The following KCP variants were observed in gnomAD, a reference collection of about 807,000 sequenced individuals.
KCP encodes kielin cysteine rich BMP regulator.
In KCP, 194 loss-of-function variants were observed where a neutral mutation model predicts 212.7. That is an observed-to-expected ratio of 0.91 (90% CI 0.81 to 1.03). The LOEUF (loss-of-function observed/expected upper bound fraction) is 1.03. Among genes scored for constraint, KCP ranks in the 50% least tolerant of loss-of-function variants. The pLI, the probability that KCP is intolerant of heterozygous loss-of-function variation, is 0.00. For missense variants in KCP, 2,080 were observed against 2,162.5 expected, an observed-to-expected ratio of 0.96 and a Z score of 0.76; for synonymous variants, 833 against 865.3, an observed-to-expected ratio of 0.96 and a Z score of 0.65.
chr7:128,882,245 T>A (rs1438386627), intron 29 of KCP, among the ~76,000 whole-genome samples: 2 of 152,038 alleles, frequency 1.3e-5, no homozygotes, highest in Non-Finnish European at 2.9e-5. Context: ...CGGGTGGGGG[T>A]GCAAGGTGAC....
Position 128,877,483 on chromosome 7 carries a change from C to A in KCP, c.4618+1G>T. Reference sequence around the variant, plus strand: ...ACCTGCAGCGGGCATCACCCCCTCACCACACAGCGTGGGGCCTCGCCAGGT... The same window carrying A: ...ACCTGCAGCGGGCATCACCCCCTCAACACACAGCGTGGGGCCTCGCCAGGT... On this transcript the variant is annotated splice_donor_variant, in intron 39 of 39. Transcript: ENST00000610776. LOFTEE classifies it high-confidence loss of function. The A allele has an allele frequency of 6.4e-7, 1 of 1,550,992 alleles. No homozygotes were observed. Among genetic ancestry groups the A allele is most frequent in the Non-Finnish European group, 8.7e-7 (1 of 1,146,884 alleles).
intron 8 of KCP, among the ~76,000 whole-genome samples, chr7:128,897,751 T>C (rs1384696340): frequency 6.6e-6 from 1 of 152,186 alleles, no homozygotes; most frequent in East Asian, 1.9e-4. Flanking sequence ...TTTGGAGCTT[T>C]AGATTCTAGA....
intron 21 of KCP, among the ~76,000 whole-genome samples, chr7:128,889,590 C>T (rs1472910924): frequency 2.0e-5 from 3 of 152,244 alleles, no homozygotes; most frequent in African/African-American, 4.8e-5. Context: ...GATTTAACAA[C>T]ATTATAATTT....
In KCP at chr7:128,891,087, G is replaced by T; in HGVS notation, c.1982C>A (p.Ala661Asp). ...ECCPQCPAAP[A>D]PAGCPRPGAA... ...GCCGGGCCGTGGGCAGCCGGCGGGG[G>T]CTGGGGCGGCTGCGGCGAGACAGCG... is the stretch of plus-strand genomic sequence containing the variant. The change falls in exon 20 of 40, where the codon GCC becomes GAC. Residue 661 changes from alanine to aspartate, a missense_variant. Physicochemically the swap from Ala to Asp is moderately radical, Grantham distance 126. Transcript: ENST00000610776. The T allele has an allele frequency of 6.9e-7, 1 of 1,440,336 alleles. No individual in the cohort carries two copies. The highest frequency in any genetic ancestry group is 9.1e-7 in the Non-Finnish European group (1 of 1,101,476). The allele number at this position is 1,440,336 out of a possible 1,614,324, so 89.2% of individuals were successfully genotyped here.
rs754306781 is a variant in KCP at position 128,891,638 on chromosome 7, C to T, written c.1795+8G>A. ...TCCCAGAAGGCCGCCCTGACCCGCC[C>T]ACCTCACCGCTGCAGTCGTTCGGGC... On this transcript the variant is annotated splice_region_variant and intron_variant, in intron 17 of 39. Coordinates refer to ENST00000610776, the MANE Select transcript of KCP (RefSeq NM_001366122.1). The T allele has an allele frequency of 4.7e-6, 7 of 1,474,050 alleles. No individual in the cohort carries two copies. The South Asian group carries it at 9.8e-5, about 21-fold the overall frequency. The allele number at this position is 1,474,050 out of a possible 1,614,324, so 91.3% of individuals were successfully genotyped here. A position where few individuals can be genotyped will look rare whatever the true frequency, so the allele number is the denominator to read the frequency against.
intron 21 of KCP, among the ~76,000 whole-genome samples, chr7:128,889,591 A>ATTATATT (rs1793958231): frequency 6.6e-6 from 1 of 152,258 alleles, no homozygotes; most frequent in Admixed American, 6.5e-5. Flanking sequence ...ATTTAACAAC[A>ATTATATT]TTATAATTTT....
chr7:128,893,141 T>C, intron 13 of KCP, 97 bp downstream of exon 13: 1 of 1,282,768 alleles, frequency 7.8e-7, no homozygotes, highest in Non-Finnish European at 1.1e-6. Context: ...GCTAGTGGAC[T>C]TAGCAACCCG....
chr7:128,878,764 G>A, intron 37 of KCP, 42 bp from the exon 38 acceptor site: 5 of 1,530,522 alleles, frequency 3.3e-6, no homozygotes, highest in Non-Finnish European at 3.5e-6. Context: ...GGAAGGACAG[G>A]GGCCTTAAGA....
At chr7:128,890,540 G>C in intron 20 of KCP, 27 bp from the exon 21 acceptor site, 1 of 1,534,252 alleles carries the variant, frequency 6.5e-7, no homozygotes, top group East Asian at 2.5e-5. Flanking sequence ...GGGCTGGGGG[G>C]CCGTGGGGAC....
At chr7:128,896,158 G>A (rs1323932981) in intron 8 of KCP, among the ~76,000 whole-genome samples, 2 of 152,134 alleles carry the variant, frequency 1.3e-5, no homozygotes, top group Admixed American at 6.5e-5. Flanking sequence ...GTGAGCCATG[G>A]AAGGGACAAT....
At chr7:128,902,070 T>A (rs1794881630) in intron 8 of KCP, among the ~76,000 whole-genome samples, 1 of 152,208 alleles carries the variant, frequency 6.6e-6, no homozygotes, top group African/African-American at 2.4e-5. Flanking sequence ...TAATGTTTTT[T>A]AATTTTTTGA....
chr7:128,897,388 A>G (rs1321591177), intron 8 of KCP, among the ~76,000 whole-genome samples: 1 of 152,316 alleles, frequency 6.6e-6, no homozygotes, highest in East Asian at 1.9e-4. Context: ...TGCCATCACA[A>G]TGGTGACTTG....
chr7:128,908,353 C>G, intron 2 of KCP, 73 bp downstream of exon 2: 1 of 1,444,774 alleles, frequency 6.9e-7, no homozygotes, highest in Non-Finnish European at 9.3e-7. Flanking sequence ...CCCTCCAAGC[C>G]TAACTCCTTC....
intron 11 of KCP, 66 bp downstream of exon 11, chr7:128,893,740 C>A: frequency 6.7e-7 from 1 of 1,490,494 alleles, no homozygotes. Context: ...AAGCAAATCC[C>A]CCACACCTAC....
At chr7:128,885,464 G>C (rs1184029086) in intron 26 of KCP, among the ~76,000 whole-genome samples, 194 bp from the exon 27 acceptor site, 1 of 152,188 alleles carries the variant, frequency 6.6e-6, no homozygotes, top group Non-Finnish European at 1.5e-5. Flanking sequence ...CAGAACACCT[G>C]GGTTCTAATC....
Position 128,907,454 on chromosome 7 carries a change from C to A in KCP, c.220-1G>T, listed in dbSNP as rs1051151412. 1 of 1,477,338 alleles carries A rather than the reference C, an allele frequency of 6.8e-7. No homozygotes were observed. The highest frequency in any genetic ancestry group is 9.1e-7 in the Non-Finnish European group (1 of 1,104,626). 91.5% of individuals were successfully genotyped at this position (1,477,338 alleles called of 1,614,324 possible). A position where few individuals can be genotyped will look rare whatever the true frequency, so the allele number is the denominator to read the frequency against. On this transcript the variant is annotated splice_acceptor_variant, in intron 2 of 39. Transcript: ENST00000610776. LOFTEE classifies it high-confidence loss of function. ...TCACCCTCGTCTGCAGGTCCTTATT[C>A]TGGAGGAAGGAGATGGAATAGCAGG...
Position 128,903,985 on chromosome 7 carries a change from A to T in KCP, c.654+71T>A, listed in dbSNP as rs1054048315. The T allele has an allele frequency of 6.3e-6, 9 of 1,438,482 alleles. No homozygotes were observed. In the African/African-American group the frequency reaches 9.9e-5, roughly 16 times the overall value. The allele number at this position is 1,438,482 out of a possible 1,614,324, so 89.1% of individuals were successfully genotyped here. A position where few individuals can be genotyped will look rare whatever the true frequency, so the allele number is the denominator to read the frequency against. On this transcript the variant is annotated intron_variant, in intron 6 of 39. Coordinates refer to ENST00000610776, the MANE Select transcript of KCP (RefSeq NM_001366122.1). ...CATGTGAGGGGGCTGGAGGAGTGGCAGGCAGGGCCCAGGGCAGGGCAGGTG... is the reference window on the plus strand; with the variant it reads ...CATGTGAGGGGGCTGGAGGAGTGGCTGGCAGGGCCCAGGGCAGGGCAGGTG...
At chr7:128,903,432 G>A (rs1004876218) in intron 7 of KCP, 27 of 484,562 alleles carry the variant, frequency 5.6e-5, no homozygotes, top group Non-Finnish European at 9.5e-5. Flanking sequence ...ACACTCTAGG[G>A]GTCATCCCTG....
At chr7:128,887,401 CCACAGA>C (rs896132566) in intron 22 of KCP, 101 bp from the exon 23 acceptor site, 22 of 870,952 alleles carry the variant, frequency 2.5e-5, no homozygotes, top group Admixed American at 6.0e-5. Context: ...ACAGCCACAG[CCACAGA>C]CACACACATA....
Sources: gnomAD v4.1 joint callset for allele counts (sites outside exome capture counted in the v4.1 genomes callset) on GRCh38, gnomAD v4.1.1 for gene constraint, MANE v1.5 for transcripts, NCBI Gene and HGNC (gene_info 2026-07-23, HGNC 2026-07-21) for gene names.